The following TXLNG variants were observed in gnomAD, a reference collection of about 807,000 sequenced individuals.
TXLNG encodes the protein taxilin gamma.
A neutral mutation model predicts 38.8 loss-of-function variants in TXLNG; 5 were observed. That is an observed-to-expected ratio of 0.13 (90% confidence interval 0.07 to 0.27). The LOEUF is 0.27. Among genes scored for constraint, TXLNG ranks in the 10% least tolerant of loss-of-function variants. The pLI is 1.00. For synonymous variants in TXLNG, 182 were observed against 158.2 expected, an observed-to-expected ratio of 1.15 and a Z score of -1.13; for missense variants, 393 against 398.2, an observed-to-expected ratio of 0.99 and a Z score of 0.11.
At position 16,842,155 on chromosome X, in the gene TXLNG, C is replaced by G. The variant is rs1448279386; in HGVS notation, c.*389C>G. On this transcript the variant is annotated 3_prime_UTR_variant, in exon 10 of 10. Transcript: ENST00000380122. ...ATATTAATTTAAACGTCTTAGCCCC[C>G]CCCCCCATAATATTATTCAGAAAAA... 9.0e-6 allele frequency: 1 copy of G among 110,880 alleles called. No individual in the cohort carries two copies. Among genetic ancestry groups the G allele is most frequent in the Non-Finnish European group, 1.8e-5 (1 of 56,034 alleles). The allele number at this position is 110,880 out of a possible 1,213,427, so 9.1% of individuals were successfully genotyped here.
intron 1 of TXLNG, among the ~76,000 whole-genome samples, chrX:16,804,677 CTG>C (rs1011230529): frequency 4.5e-5 from 5 of 110,641 alleles, no homozygotes; most frequent in Non-Finnish European, 7.5e-5. Context: ...CCCTTGAAAA[CTG>C]TGTCTCTGGC....
At chrX:16,837,498 C>G (rs778240758) in intron 7 of TXLNG, 95 bp from the exon 8 acceptor site, 1 of 565,906 alleles carries the variant, frequency 1.8e-6, no homozygotes, top group African/African-American at 2.3e-5. Context: ...ATTTCTATCA[C>G]TTGTAATAAG....
chrX:16,815,375 A>C (rs1479860973), intron 1 of TXLNG, among the ~76,000 whole-genome samples: 1 of 109,661 alleles, frequency 9.1e-6, no homozygotes, highest in Admixed American at 9.8e-5. Flanking sequence ...GGACTTCACC[A>C]TGTTGATCAG....
chrX:16,822,277 C>T (rs1168610946), intron 3 of TXLNG, among the ~76,000 whole-genome samples: 2 of 109,410 alleles, frequency 1.8e-5, no homozygotes, highest in Admixed American at 2.0e-4. Flanking sequence ...GGAGGCGGAG[C>T]TTGCAGTGAA....
intron 1 of TXLNG, among the ~76,000 whole-genome samples, chrX:16,803,947 G>T (rs939944439): frequency 3.7e-5 from 4 of 109,488 alleles, no homozygotes; most frequent in African/African-American, 1.3e-4. Flanking sequence ...GTGAGACTCT[G>T]TCTCAAAAAA....
chrX:16,804,869 A>G (rs1928261705), intron 1 of TXLNG, among the ~76,000 whole-genome samples: 1 of 106,501 alleles, frequency 9.4e-6, no homozygotes, highest in Non-Finnish European at 1.9e-5. Context: ...ATTGGGCCCA[A>G]TAGGTAATTT....
intron 1 of TXLNG, among the ~76,000 whole-genome samples, chrX:16,814,225 T>C (rs1254535227): frequency 1.8e-5 from 2 of 112,459 alleles, no homozygotes; most frequent in Non-Finnish European, 3.8e-5. Context: ...AAATACAATG[T>C]AGTCTCTCTG....
intron 1 of TXLNG, among the ~76,000 whole-genome samples, chrX:16,806,048 T>C (rs1022454967): frequency 8.9e-6 from 1 of 112,680 alleles, no homozygotes; most frequent in Admixed American, 9.5e-5. Context: ...TGAGGAAAAC[T>C]GTGCTATCCA....
At chrX:16,825,302 A>G (rs1929129167) in intron 3 of TXLNG, among the ~76,000 whole-genome samples, 1 of 111,754 alleles carries the variant, frequency 8.9e-6, no homozygotes, top group Non-Finnish European at 1.9e-5. Context: ...TGCTGTTGGG[A>G]ATATCAATTC....
chrX:16,818,803 G>T lies in TXLNG; in HGVS notation c.332G>T (p.Gly111Val). The change falls in exon 2 of 10, where the codon GGG becomes GTG. Residue 111 changes from glycine to valine, a missense_variant. Coordinates refer to ENST00000380122, the MANE Select transcript of TXLNG (RefSeq NM_018360.3). ...CAAGAATCAAGAGAGGAAATCCCTG[G>T]GGGAGAAGCTCGAACAGATCCCCCT... ...CTQESREEIP[G>V]GEARTDPPDG... 8.3e-7 allele frequency: 1 copy of T among 1,211,904 alleles called. No individual in the cohort carries two copies. Among genetic ancestry groups the T allele is most frequent in the African/African-American group, 1.7e-5 (1 of 57,888 alleles).
intron 1 of TXLNG, among the ~76,000 whole-genome samples, chrX:16,814,452 A>G (rs1928656208): frequency 9.0e-6 from 1 of 111,550 alleles, no homozygotes; most frequent in Non-Finnish European, 1.9e-5. Context: ...TGTCTCTACT[A>G]AAAATACAAA....
At position 16,841,675 on chromosome X, in the gene TXLNG, C is replaced by T. The variant is rs1486780340; in HGVS notation, c.1496C>T (p.Ala499Val). 8.3e-6 allele frequency: 10 copies of T among 1,209,979 alleles called. No homozygotes were observed. The African/African-American group carries it at 8.8e-5, about 11-fold the overall frequency. Residue 499 changes from alanine to valine, a missense_variant, in exon 10 of 10, where the codon GCG (alanine) becomes GTG (valine). Physicochemically the swap from Ala to Val is moderately conservative, Grantham distance 64. Transcript: ENST00000380122. Reference sequence around the variant, plus strand: ...ACTTCCTCGAAAAGAGCCCTGGGAGCGCACCTGGAGGCTGAGCCCAAGAGT... The same window carrying T: ...ACTTCCTCGAAAAGAGCCCTGGGAGTGCACCTGGAGGCTGAGCCCAAGAGT... The part of the protein sequence containing the change: ...LNTSSKRALG[A>V]HLEAEPKSQR...
At chrX:16,797,585 G>C (rs909089553) in intron 1 of TXLNG, among the ~76,000 whole-genome samples, 5 of 112,551 alleles carry the variant, frequency 4.4e-5, no homozygotes, top group African/African-American at 1.6e-4. Context: ...GCCTTCCTTG[G>C]TTTCTTGCCA....
intron 1 of TXLNG, among the ~76,000 whole-genome samples, chrX:16,802,986 A>G (rs1465818303): frequency 9.2e-6 from 1 of 108,595 alleles, no homozygotes. Context: ...TGCCTGGCTG[A>G]TTTTTGCATT....
intron 3 of TXLNG, 49 bp downstream of exon 3, chrX:16,820,304 G>A (rs1375624523): frequency 1.0e-6 from 1 of 990,045 alleles, no homozygotes; most frequent in South Asian, 2.2e-5. Context: ...ATAACAAAAT[G>A]TGTGTGTGCT....
intron 1 of TXLNG, among the ~76,000 whole-genome samples, chrX:16,802,968 T>C (rs1189171773): frequency 4.6e-5 from 5 of 109,249 alleles, no homozygotes; most frequent in Admixed American, 9.9e-5. Flanking sequence ...TACAGGTACC[T>C]GCCACCATGC....
chrX:16,788,688 G>A (rs1328018491), intron 1 of TXLNG, among the ~76,000 whole-genome samples: 1 of 32,725 alleles, frequency 3.1e-5, no homozygotes, highest in Non-Finnish European at 8.0e-5. Flanking sequence ...TTTTTTTTGA[G>A]TCAGAGTCTT....
At position 16,843,920 on chromosome X, in the gene TXLNG, A is replaced by ACAT. The variant is rs1929978849; in HGVS notation, c.*2156_*2158dup. On this transcript the variant is annotated 3_prime_UTR_variant, in exon 10 of 10. Coordinates refer to ENST00000380122, the MANE Select transcript of TXLNG (RefSeq NM_018360.3). ...AAACAAATGGGACCCCCTGAGAAGG[A>ACAT]CATCTTCCTACAGTGATCACCTCAC... 1.8e-5 allele frequency: 2 copies of ACAT among 111,789 alleles called. No individual in the cohort carries two copies. The highest frequency in any genetic ancestry group is 6.5e-5 in the African/African-American group (2 of 30,638). The allele number at this position is 111,789 out of a possible 1,213,427, so 9.2% of individuals were successfully genotyped here. A position where few individuals can be genotyped will look rare whatever the true frequency, so the allele number is the denominator to read the frequency against.
chrX:16,792,518 T>C (rs1323632197), intron 1 of TXLNG, among the ~76,000 whole-genome samples: 1 of 111,324 alleles, frequency 9.0e-6, no homozygotes. Context: ...TGGTGGCTCA[T>C]GCTTGTAATC....
Sources: allele counts gnomAD v4.1 joint callset (sites outside exome capture counted in the v4.1 genomes callset), GRCh38; gene constraint gnomAD v4.1.1; transcripts MANE v1.5; gene names NCBI Gene and HGNC (gene_info 2026-07-23, HGNC 2026-07-21).